AFF4: variants seen among roughly 807,000 people sequenced by gnomAD.
AFF4 encodes AF4/FMR2 family member 4.
A neutral mutation model predicts 124.8 loss-of-function variants in AFF4; 13 were observed. That is an observed-to-expected ratio of 0.10 (90% CI 0.07 to 0.17). The LOEUF is 0.17. Among genes scored for constraint, AFF4 ranks in the 10% least tolerant of loss-of-function variants. The probability of loss-of-function intolerance (pLI) is 1.00; values close to 1 mark genes in which losing one functional copy is unlikely to be tolerated. For synonymous variants in AFF4, 477 were observed against 496.1 expected (o/e 0.96, Z 0.51); for missense variants, 1,092 against 1,403.8 (o/e 0.78, Z 3.55).
intron 5 of AFF4, among the ~76,000 whole-genome samples, chr5:132,922,873 C>T (rs1051585828): frequency 1.3e-4 from 20 of 150,392 alleles, no homozygotes; most frequent in Admixed American, 1.3e-3. Flanking sequence ...TGAATATTAC[C>T]TTAGTAATTA....
At chr5:132,942,018 A>G (rs1231858575) in intron 1 of AFF4, among the ~76,000 whole-genome samples, 1 of 151,970 alleles carries the variant, frequency 6.6e-6, no homozygotes, top group African/African-American at 2.4e-5. Flanking sequence ...AAAAAAAAAA[A>G]AAAAAGTAAG....
intron 4 of AFF4, among the ~76,000 whole-genome samples, chr5:132,930,582 C>T (rs1257684243): frequency 1.3e-5 from 2 of 151,580 alleles, no homozygotes; most frequent in African/African-American, 4.8e-5. Context: ...GTGGAAGCAA[C>T]CAATGCAGGT....
chr5:132,904,201 G>A (rs1172244476), intron 6 of AFF4, 167 bp downstream of exon 6: 3 of 472,086 alleles, frequency 6.4e-6, no homozygotes, highest in Non-Finnish European at 1.0e-5. Flanking sequence ...AGGCTGCAGT[G>A]AGCTACGACC....
intron 1 of AFF4, among the ~76,000 whole-genome samples, chr5:132,952,714 C>T (rs566113888): frequency 3.3e-5 from 5 of 151,974 alleles, no homozygotes; most frequent in Admixed American, 2.6e-4. Context: ...GCCAACATGG[C>T]GAAACTCCGT....
At chr5:132,956,014 AAT>A (rs1371803048) in intron 1 of AFF4, among the ~76,000 whole-genome samples, 3 of 150,570 alleles carry the variant, frequency 2.0e-5, no homozygotes, top group Non-Finnish European at 3.0e-5. Context: ...AATACATGTA[AAT>A]ATATGTGTAT....
Position 132,963,440 on chromosome 5 carries a change from G to T in AFF4, c.-186C>A. ...GGCCTCGACAAACGAAGGCGGCGTC[G>T]GCGGCGGCGGCAGCGATGCGCCTCA... On this transcript the variant is annotated 5_prime_UTR_variant, in exon 1 of 21. Coordinates refer to ENST00000265343, the MANE Select transcript of AFF4 (RefSeq NM_014423.4). 1 of 398,284 alleles carries T rather than the reference G, an allele frequency of 2.5e-6. No homozygotes were observed. The highest frequency in any genetic ancestry group is 3.6e-5 in the East Asian group (1 of 28,048). 24.7% of individuals were successfully genotyped at this position (398,284 alleles called of 1,614,324 possible). A position where few individuals can be genotyped will look rare whatever the true frequency, so the allele number is the denominator to read the frequency against.
intron 1 of AFF4, among the ~76,000 whole-genome samples, chr5:132,941,955 C>G (rs949871565): frequency 1.2e-4 from 18 of 149,886 alleles, no homozygotes; most frequent in Non-Finnish European, 2.7e-4. Context: ...TGCAGTGAGA[C>G]GAGATCGCAC....
intron 1 of AFF4, among the ~76,000 whole-genome samples, chr5:132,947,918 T>C (rs867354640): frequency 6.6e-6 from 1 of 152,230 alleles, no homozygotes; most frequent in Non-Finnish European, 1.5e-5. Flanking sequence ...TTTAAAATAA[T>C]GTAGTGAAAA....
chr5:132,930,365 A>AT (rs1178542687), intron 4 of AFF4, among the ~76,000 whole-genome samples: 1 of 152,232 alleles, frequency 6.6e-6, no homozygotes, highest in Non-Finnish European at 1.5e-5. Flanking sequence ...TGGAAGGCAA[A>AT]TAAAAACAAT....
At chr5:132,881,423 A>G (rs1171167337) in intron 20 of AFF4, among the ~76,000 whole-genome samples, 1 of 152,244 alleles carries the variant, frequency 6.6e-6, no homozygotes, top group Non-Finnish European at 1.5e-5. Context: ...AGTGTTATAT[A>G]TAAGCAGGAT....
chr5:132,911,074 T>C (rs1760783232), intron 5 of AFF4, among the ~76,000 whole-genome samples: 1 of 152,214 alleles, frequency 6.6e-6, no homozygotes, highest in Non-Finnish European at 1.5e-5. Flanking sequence ...TCTCAATCAC[T>C]CTTGTGAAGA....
At chr5:132,939,584 A>C (rs1761518857) in intron 1 of AFF4, among the ~76,000 whole-genome samples, 1 of 152,230 alleles carries the variant, frequency 6.6e-6, no homozygotes, top group Non-Finnish European at 1.5e-5. Context: ...AGTTTCCTTA[A>C]ATTTAAATCC....
rs1759883649 is a variant in AFF4 at position 132,878,067 on chromosome 5, T to G, written c.*2992A>C. On this transcript the variant is annotated 3_prime_UTR_variant, in exon 21 of 21. Transcript: ENST00000265343. The stretch of plus-strand genomic sequence containing the variant: ...CTGTAAGTTTATCTGAAGTACTCAC[T>G]GCATATAAAGTCACTTCTTGGCTAC... 4.5e-6 allele frequency: 1 copy of G among 223,798 alleles called. No homozygotes were observed. 13.9% of individuals were successfully genotyped at this position (223,798 alleles called of 1,614,324 possible).
At chr5:132,890,470 C>T (rs1397096930) in intron 13 of AFF4, among the ~76,000 whole-genome samples, 1 of 152,104 alleles carries the variant, frequency 6.6e-6, no homozygotes, top group Non-Finnish European at 1.5e-5. Flanking sequence ...TAAGGACCTA[C>T]ATTCAGATTT....
chr5:132,890,404 A>AT (rs1760226188), intron 13 of AFF4, among the ~76,000 whole-genome samples: 1 of 152,002 alleles, frequency 6.6e-6, no homozygotes, highest in Non-Finnish European at 1.5e-5. Flanking sequence ...AAGTGTTGGA[A>AT]TTACAGGCCG....
Position 132,891,862 on chromosome 5 carries a change from G to A in AFF4, c.2637+302C>T, listed in dbSNP as rs190378749. The stretch of plus-strand genomic sequence containing the variant: ...AGACAGGGTCTCACCACATTGCCCA[G>A]GCTGGACTCAAATTCCTCAAATGAT... On this transcript the variant is annotated intron_variant, in intron 13 of 20. Transcript: ENST00000265343. 1.8e-4 allele frequency: 86 copies of A among 476,922 alleles called. No individual in the cohort carries two copies. The East Asian group carries it at 2.3e-3, about 13-fold the overall frequency. 29.5% of individuals were successfully genotyped at this position (476,922 alleles called of 1,614,324 possible). A position where few individuals can be genotyped will look rare whatever the true frequency, so the allele number is the denominator to read the frequency against.
At chr5:132,949,427 C>T (rs1430794662) in intron 1 of AFF4, among the ~76,000 whole-genome samples, 1 of 152,070 alleles carries the variant, frequency 6.6e-6, no homozygotes, top group African/African-American at 2.4e-5. Context: ...CTGCAATCCC[C>T]GCACTTTGGG....
At chr5:132,915,374 A>G (rs1477082101) in intron 5 of AFF4, among the ~76,000 whole-genome samples, 2 of 151,978 alleles carry the variant, frequency 1.3e-5, no homozygotes. Context: ...TACCATTTCT[A>G]TACACACTAT....
At chr5:132,933,331 A>C (rs1329275751) in intron 3 of AFF4, among the ~76,000 whole-genome samples, 2 of 151,552 alleles carry the variant, frequency 1.3e-5, no homozygotes, top group African/African-American at 4.9e-5. Flanking sequence ...TGGGAGGTAG[A>C]GGTTGCAGTG....
Sources: allele counts gnomAD v4.1 joint callset (sites outside exome capture counted in the v4.1 genomes callset), GRCh38; gene constraint gnomAD v4.1.1; transcripts MANE v1.5; gene names NCBI Gene and HGNC (gene_info 2026-07-23, HGNC 2026-07-21).